LOC128462377: variants seen among roughly 807,000 people sequenced by gnomAD.
At chr16:89,343,841 G>C in the LOC128462377 span, 1 of 152,288 alleles carries the variant, frequency 6.6e-6, no homozygotes, top group South Asian at 2.1e-4. Context: ...TTTATGCTTC[G>C]CAGGCGGTAA....
chr16:89,353,348 AAAAG>A, the LOC128462377 span, among the ~76,000 whole-genome samples: 38 of 150,072 alleles, frequency 2.5e-4, no homozygotes, highest in African/African-American at 9.3e-4. Flanking sequence ...ACTCCAAAAA[AAAAG>A]AGAGAGAGAG....
chr16:89,397,834 G>A, the LOC128462377 span, among the ~76,000 whole-genome samples: 3 of 152,220 alleles, frequency 2.0e-5, no homozygotes, highest in African/African-American at 7.2e-5. Context: ...CCCGTGCCAC[G>A]TCTCCCAGCT....
the LOC128462377 span, among the ~76,000 whole-genome samples, chr16:89,390,315 G>A: frequency 2.7e-5 from 4 of 150,862 alleles, no homozygotes; most frequent in East Asian, 5.9e-4. Context: ...CGAGTGTGGC[G>A]TGGAGCACAG....
chr16:89,404,163 C>CCACA, the LOC128462377 span, among the ~76,000 whole-genome samples: 1 of 152,118 alleles, frequency 6.6e-6, no homozygotes, highest in Non-Finnish European at 1.5e-5. Context: ...TGGACACAGC[C>CCACA]CACAGGTGGC....
chr16:89,371,257 G>A, the LOC128462377 span, among the ~76,000 whole-genome samples: 1 of 152,212 alleles, frequency 6.6e-6, no homozygotes, highest in African/African-American at 2.4e-5. Flanking sequence ...CACCTACACA[G>A]AGAGGCAGGT....
At chr16:89,388,834 T>C in the LOC128462377 span, among the ~76,000 whole-genome samples, 2 of 152,168 alleles carry the variant, frequency 1.3e-5, no homozygotes, top group African/African-American at 2.4e-5. Context: ...CGGGGAATGA[T>C]GAACCCAAAA....
chr16:89,333,288 C>T, the LOC128462377 span, among the ~76,000 whole-genome samples: 1 of 152,220 alleles, frequency 6.6e-6, no homozygotes, highest in South Asian at 2.1e-4. Context: ...GCATGAAGTA[C>T]AGAGGGTTCC....
the LOC128462377 span, among the ~76,000 whole-genome samples, chr16:89,377,615 G>C: frequency 8.4e-3 from 1,277 of 152,236 alleles, 19 homozygotes; most frequent in African/African-American, 0.03. Context: ...ACGAGGAGGA[G>C]GTAGCAGCAG....
the LOC128462377 span, among the ~76,000 whole-genome samples, chr16:89,399,162 C>T: frequency 1.3e-5 from 2 of 152,184 alleles, no homozygotes; most frequent in East Asian, 1.9e-4. Context: ...CACGAGTCCA[C>T]GCAAGGACAC....
At chr16:89,324,260 G>A in the LOC128462377 span, 19 of 1,230,622 alleles carry the variant, frequency 1.5e-5, 1 homozygote, top group South Asian at 2.6e-4. Context: ...ACTGGGCTGT[G>A]GAACATACAG....
At chr16:89,376,321 C>T in the LOC128462377 span, among the ~76,000 whole-genome samples, 1 of 152,176 alleles carries the variant, frequency 6.6e-6, no homozygotes, top group South Asian at 2.1e-4. Context: ...GAACGTTTGG[C>T]TTTAACAATG....
At chr16:89,362,464 G>A in the LOC128462377 span, among the ~76,000 whole-genome samples, 136 of 152,316 alleles carry the variant, frequency 8.9e-4, no homozygotes, top group Non-Finnish European at 1.2e-3. Context: ...CACTGAAGCC[G>A]GAAGGGACAA....
the LOC128462377 span, among the ~76,000 whole-genome samples, chr16:89,408,384 C>A: frequency 6.6e-6 from 1 of 152,260 alleles, no homozygotes; most frequent in African/African-American, 2.4e-5. Flanking sequence ...AGGCCAGCAT[C>A]AGCACCCAGT....
chr16:89,373,898 C>G, the LOC128462377 span, among the ~76,000 whole-genome samples: 1 of 152,252 alleles, frequency 6.6e-6, no homozygotes, highest in Admixed American at 6.5e-5. Context: ...GGGCCTGAGT[C>G]TTGGCAGGCG....
the LOC128462377 span, among the ~76,000 whole-genome samples, chr16:89,379,785 A>T: frequency 1.3e-5 from 2 of 152,266 alleles, no homozygotes; most frequent in African/African-American, 2.4e-5. Context: ...CGGGCAAAGA[A>T]GATGTCAGCT....
the LOC128462377 span, chr16:89,370,821 C>A: frequency 3.3e-5 from 5 of 152,650 alleles, no homozygotes; most frequent in African/African-American, 1.2e-4. Context: ...CCCAGACGAC[C>A]CCCAGGCCGG....
chr16:89,378,685 T>C, the LOC128462377 span, among the ~76,000 whole-genome samples: 1 of 152,324 alleles, frequency 6.6e-6, no homozygotes, highest in South Asian at 2.1e-4. Context: ...GTTCAAGCAA[T>C]TCTCCTGTCT....
the LOC128462377 span, among the ~76,000 whole-genome samples, chr16:89,381,354 A>AAAAAAAAAAG: frequency 4.1e-4 from 51 of 125,328 alleles, no homozygotes; most frequent in African/African-American, 1.6e-3. Flanking sequence ...AAAAAAAAAA[A>AAAAAAAAAAG]GGGGTGAGAA....
chr16:89,365,547 G>A, the LOC128462377 span, among the ~76,000 whole-genome samples: 13 of 152,264 alleles, frequency 8.5e-5, no homozygotes, highest in South Asian at 1.7e-3. Context: ...TCTGAAACTC[G>A]CTTTCAAAAT....
Sources: gnomAD v4.1 joint callset for allele counts (sites outside exome capture counted in the v4.1 genomes callset) on GRCh38, gnomAD v4.1.1 for gene constraint, MANE v1.5 for transcripts.